Variants in SLC9A9 observed in about 807,000 individuals in gnomAD.
SLC9A9 encodes solute carrier family 9 member A9, also known as sodium/hydrogen exchanger 9.
In SLC9A9, 62 loss-of-function variants were observed where a neutral mutation model predicts 77.8. The observed-to-expected ratio is 0.80, with a 90% CI of 0.65 to 0.98. The LOEUF is 0.98. Ranked by LOEUF, SLC9A9 falls within the 50% of genes least tolerant of loss-of-function variation. The pLI is 0.00. For missense variants in SLC9A9, 775 were observed against 774.9 expected, an observed-to-expected ratio of 1.00 and a Z score of 0.00; for synonymous variants, 320 against 283.5, an observed-to-expected ratio of 1.13 and a Z score of -1.29.
chr3:143,389,459 T>C (rs2033503650), intron 12 of SLC9A9, among the ~76,000 whole-genome samples: 1 of 152,062 alleles, frequency 6.6e-6, no homozygotes, highest in African/African-American at 2.4e-5. Context: ...AGTATTGAGG[T>C]GTTTGAGTTT....
At chr3:143,816,852 T>G (rs1407508043) in intron 2 of SLC9A9, among the ~76,000 whole-genome samples, 1 of 152,202 alleles carries the variant, frequency 6.6e-6, no homozygotes, top group Non-Finnish European at 1.5e-5. Flanking sequence ...CTGGTAAGCA[T>G]GAAATGATAT....
intron 6 of SLC9A9, among the ~76,000 whole-genome samples, chr3:143,641,438 C>T (rs2108738729): frequency 8.3e-6 from 1 of 120,490 alleles, no homozygotes; most frequent in Non-Finnish European, 1.6e-5. Context: ...GTTGCCTAGG[C>T]AACAGAGTGC....
At chr3:143,402,447 G>GTTTTTTTTTTTTTT in intron 12 of SLC9A9, among the ~76,000 whole-genome samples, 1 of 110,396 alleles carries the variant, frequency 9.1e-6, no homozygotes, top group Non-Finnish European at 1.9e-5. Flanking sequence ...GCACCTTTGT[G>GTTTTTTTTTTTTTT]TTTTTTTTTT....
At chr3:143,429,104 T>G (rs1194364456) in intron 12 of SLC9A9, among the ~76,000 whole-genome samples, 2 of 152,224 alleles carry the variant, frequency 1.3e-5, no homozygotes, top group African/African-American at 4.8e-5. Context: ...TTATCCTGAT[T>G]TGATCACGAT....
intron 4 of SLC9A9, among the ~76,000 whole-genome samples, chr3:143,756,717 T>C (rs948981996): frequency 2.0e-5 from 3 of 152,170 alleles, no homozygotes; most frequent in African/African-American, 7.2e-5. Context: ...CTTCATACAA[T>C]AAAATATGTT....
At chr3:143,778,022 T>C (rs1247536573) in intron 4 of SLC9A9, among the ~76,000 whole-genome samples, 1 of 26,492 alleles carries the variant, frequency 3.8e-5, no homozygotes, top group African/African-American at 1.3e-4. Context: ...CCGTCACTGA[T>C]ACTTTTATAA....
chr3:143,708,076 A>G (rs928261669), intron 4 of SLC9A9, among the ~76,000 whole-genome samples: 1 of 152,108 alleles, frequency 6.6e-6, no homozygotes, highest in East Asian at 1.9e-4. Context: ...AGGAAATAAG[A>G]TATAAATTCC....
intron 14 of SLC9A9, among the ~76,000 whole-genome samples, chr3:143,277,946 G>A (rs150631642): frequency 1.3e-5 from 2 of 152,280 alleles, no homozygotes; most frequent in African/African-American, 2.4e-5. Flanking sequence ...AAGCACTAGA[G>A]TTTTAGCTAG....
intron 4 of SLC9A9, among the ~76,000 whole-genome samples, chr3:143,740,933 T>G (rs1330843088): frequency 6.6e-6 from 1 of 152,100 alleles, no homozygotes; most frequent in East Asian, 1.9e-4. Flanking sequence ...CAGTGAAAAT[T>G]TACAGATCAG....
chr3:143,379,082 G>C (rs2033243414), intron 13 of SLC9A9, among the ~76,000 whole-genome samples: 1 of 151,566 alleles, frequency 6.6e-6, no homozygotes, highest in Non-Finnish European at 1.5e-5. Flanking sequence ...TGTATAATCA[G>C]TAACAGCTAT....
At chr3:143,633,916 A>C (rs1560004539) in intron 6 of SLC9A9, among the ~76,000 whole-genome samples, 1 of 152,196 alleles carries the variant, frequency 6.6e-6, no homozygotes, top group Non-Finnish European at 1.5e-5. Flanking sequence ...CTTTTCTCCC[A>C]AAGGAATAGC....
intron 5 of SLC9A9, among the ~76,000 whole-genome samples, chr3:143,688,852 T>C (rs969835798): frequency 6.6e-6 from 1 of 152,050 alleles, no homozygotes; most frequent in Non-Finnish European, 1.5e-5. Context: ...AGACAAAAGA[T>C]TCATATTCCT....
intron 12 of SLC9A9, among the ~76,000 whole-genome samples, chr3:143,397,080 G>A (rs1446214917): frequency 6.6e-6 from 1 of 152,192 alleles, no homozygotes; most frequent in Non-Finnish European, 1.5e-5. Flanking sequence ...CTGCCAAGAT[G>A]TAAGCTAATT....
intron 12 of SLC9A9, among the ~76,000 whole-genome samples, chr3:143,434,885 T>C (rs928630276): frequency 2.0e-5 from 3 of 152,164 alleles, no homozygotes; most frequent in Non-Finnish European, 4.4e-5. Flanking sequence ...TACTTCATCC[T>C]AATCAAGCTC....
At chr3:143,757,563 A>C (rs1320577386) in intron 4 of SLC9A9, among the ~76,000 whole-genome samples, 1 of 152,100 alleles carries the variant, frequency 6.6e-6, no homozygotes, top group Non-Finnish European at 1.5e-5. Context: ...TGCTCATTGC[A>C]AGTCAATGGA....
chr3:143,721,955 C>A lies in SLC9A9; in HGVS notation c.534-28648G>T, dbSNP rs575153205. ...TTTACATTTCAGCAATCCGACTAGG[C>A]AGCATCTAAAACAAAAACATTATTT... On this transcript the variant is annotated intron_variant, in intron 4 of 15. Transcript: ENST00000316549. Among the ~76,000 whole-genome samples the A allele has an allele frequency of 2.0e-4, 30 of 152,218 alleles. No homozygotes were observed. In the South Asian group the frequency reaches 5.8e-3, roughly 29 times the overall value.
At position 143,587,825 on chromosome 3, in the gene SLC9A9, G is replaced by A. The variant is rs112970182; in HGVS notation, c.756-9102C>T. Among the ~76,000 whole-genome samples, 15 of 152,322 alleles carry A rather than the reference G, an allele frequency of 9.8e-5. 1 individual carries two copies. The highest frequency in any genetic ancestry group is 3.4e-4 in the African/African-American group (14 of 41,566). On this transcript the variant is annotated intron_variant, in intron 6 of 15. Coordinates refer to ENST00000316549, the MANE Select transcript of SLC9A9 (RefSeq NM_173653.4). ...TCAGCCTGGATGCCACCACCTAAAC[G>A]AGACCTGACAAATAACAGCAGACCA...
Position 143,357,966 on chromosome 3 carries a change from T to C in SLC9A9, c.1604+5518A>G, listed in dbSNP as rs1322747263. On this transcript the variant is annotated intron_variant, in intron 14 of 15. Transcript: ENST00000316549. ...TCATACCTATGACTTAAAATAAGCATGACTGTGTGGGATATAAAAAAATTC... is the reference window on the plus strand; with the variant it reads ...TCATACCTATGACTTAAAATAAGCACGACTGTGTGGGATATAAAAAAATTC... 6.6e-5 allele frequency among the ~76,000 whole-genome samples: 10 copies of C among 151,766 alleles called. No individual in the cohort carries two copies. In the East Asian group the frequency reaches 1.8e-3, roughly 27 times the overall value.
intron 6 of SLC9A9, among the ~76,000 whole-genome samples, chr3:143,586,626 A>T (rs1167366726): frequency 6.6e-6 from 1 of 152,198 alleles, no homozygotes; most frequent in African/African-American, 2.4e-5. Context: ...CCTTTCTCAG[A>T]TAAGTTGCTT....
Sources: allele counts gnomAD v4.1 joint callset (sites outside exome capture counted in the v4.1 genomes callset), GRCh38; gene constraint gnomAD v4.1.1; transcripts MANE v1.5; gene names NCBI Gene and HGNC (gene_info 2026-07-23, HGNC 2026-07-21).